ROBO2: variants seen among roughly 807,000 people sequenced by gnomAD.
ROBO2 encodes roundabout guidance receptor 2.
ROBO2 carries 53 observed loss-of-function variants against 160.8 expected under a neutral mutation model. The observed-to-expected ratio is 0.33, with a 90% CI of 0.26 to 0.41. The LOEUF (loss-of-function observed/expected upper bound fraction) is 0.41. Among genes scored for constraint, ROBO2 ranks in the 10% least tolerant of loss-of-function variants. The pLI is 1.00. For missense variants in ROBO2, 1,577 were observed against 1,722.4 expected (o/e 0.92, Z 1.49); for synonymous variants, 664 against 611.7 (o/e 1.09, Z -1.26).
At chr3:76,868,701 T>A (rs2148662205) in intron 2 of ROBO2, among the ~76,000 whole-genome samples, 1 of 152,220 alleles carries the variant, frequency 6.6e-6, no homozygotes, top group African/African-American at 2.4e-5. Flanking sequence ...GAAGGGAAAG[T>A]ATCCAGTCTT....
At chr3:77,213,405 C>T (rs879637042) in intron 2 of ROBO2, among the ~76,000 whole-genome samples, 1 of 152,104 alleles carries the variant, frequency 6.6e-6, no homozygotes, top group Non-Finnish European at 1.5e-5. Context: ...GTTTGTATTT[C>T]TATGGGATCG....
intron 2 of ROBO2, among the ~76,000 whole-genome samples, chr3:76,290,427 A>G (rs982563854): frequency 6.6e-6 from 1 of 152,144 alleles, no homozygotes; most frequent in East Asian, 1.9e-4. Context: ...GGCAGAGACT[A>G]TGGGATTTTC....
At chr3:76,254,888 G>T (rs1706261190) in intron 2 of ROBO2, among the ~76,000 whole-genome samples, 1 of 151,904 alleles carries the variant, frequency 6.6e-6, no homozygotes, top group South Asian at 2.1e-4. Context: ...ATGTACCCAG[G>T]AGCTCACTGT....
intron 2 of ROBO2, among the ~76,000 whole-genome samples, chr3:76,522,119 G>A (rs537614407): frequency 6.6e-6 from 1 of 152,194 alleles, no homozygotes; most frequent in East Asian, 1.9e-4. Context: ...TGGGCGGTAT[G>A]CAAAAAAATG....
intron 2 of ROBO2, among the ~76,000 whole-genome samples, chr3:77,435,580 C>T (rs1009455970): frequency 6.6e-6 from 1 of 151,852 alleles, no homozygotes; most frequent in South Asian, 2.1e-4. Flanking sequence ...AAGACAGATA[C>T]TAATTGTACC....
At chr3:77,417,135 C>A (rs1375904591) in intron 2 of ROBO2, among the ~76,000 whole-genome samples, 1 of 151,906 alleles carries the variant, frequency 6.6e-6, no homozygotes, top group African/African-American at 2.4e-5. Context: ...GGTGCAATTT[C>A]ATGTGAGGGA....
At chr3:76,215,058 G>A (rs1330570383) in intron 2 of ROBO2, among the ~76,000 whole-genome samples, 1 of 152,166 alleles carries the variant, frequency 6.6e-6, no homozygotes, top group African/African-American at 2.4e-5. Flanking sequence ...ACAGGGTCTG[G>A]AGTGGACCTC....
At chr3:77,090,164 A>G (rs577369419) in intron 1 of ROBO2, among the ~76,000 whole-genome samples, 257 of 152,204 alleles carry the variant, frequency 1.7e-3, no homozygotes, top group Middle Eastern at 3.4e-3. Flanking sequence ...GACTATTGTC[A>G]ATGGGATTAT....
intron 2 of ROBO2, among the ~76,000 whole-genome samples, chr3:77,449,871 A>G (rs1560866657): frequency 6.6e-6 from 1 of 152,122 alleles, no homozygotes; most frequent in Non-Finnish European, 1.5e-5. Context: ...GCTCTGTTAA[A>G]AACAAGCCAC....
exon 26 of ROBO2, chr3:77,649,680 A>C: frequency 6.6e-6 from 1 of 152,246 alleles, no homozygotes; most frequent in African/African-American, 2.4e-5. Flanking sequence ...CAATTTACTA[A>C]TTTTTTTAAA....
intron 2 of ROBO2, among the ~76,000 whole-genome samples, chr3:76,729,205 G>T (rs2107815969): frequency 6.6e-6 from 1 of 150,800 alleles, no homozygotes; most frequent in South Asian, 2.1e-4. Context: ...CTCTATAAAT[G>T]AATTGTGACT....
intron 2 of ROBO2, among the ~76,000 whole-genome samples, chr3:76,300,304 A>G (rs958244455): frequency 6.4e-4 from 98 of 152,050 alleles, no homozygotes; most frequent in Admixed American, 2.1e-3. Context: ...GGTGCCCACT[A>G]TTCTCACCAA....
At chr3:76,684,042 A>C (rs1444644284) in intron 2 of ROBO2, among the ~76,000 whole-genome samples, 1 of 152,098 alleles carries the variant, frequency 6.6e-6, no homozygotes, top group Admixed American at 6.6e-5. Flanking sequence ...TGCGATGCCA[A>C]CTGGAGATGA....
Position 76,662,352 on chromosome 3 carries a change from G to A in ROBO2, c.110-435662G>A, listed in dbSNP as rs571272921. Among the ~76,000 whole-genome samples the A allele has an allele frequency of 1.1e-4, 16 of 152,106 alleles. 1 individual carries two copies. The South Asian group carries it at 3.3e-3, about 32-fold the overall frequency. On this transcript the variant is annotated intron_variant, in intron 2 of 26. Coordinates refer to the ROBO2 transcript ENST00000487694. ...AAAAAAATTTTTTTCATTATTGTGG[G>A]TACATAGTAGGTGTATATATTTATG... is the stretch of plus-strand genomic sequence containing the variant.
intron 2 of ROBO2, among the ~76,000 whole-genome samples, chr3:76,547,138 T>C (rs138438367): frequency 6.6e-6 from 1 of 152,150 alleles, no homozygotes; most frequent in Non-Finnish European, 1.5e-5. Flanking sequence ...ATTTCTTATT[T>C]CATATTTTAC....
chr3:76,536,104 A>C (rs1352600921), intron 2 of ROBO2, among the ~76,000 whole-genome samples: 1 of 152,122 alleles, frequency 6.6e-6, no homozygotes, highest in East Asian at 1.9e-4. Flanking sequence ...GTTTTGTGGC[A>C]TTTGAGGCAA....
At chr3:76,167,449 C>G (rs1481003699) in intron 2 of ROBO2, among the ~76,000 whole-genome samples, 1 of 152,136 alleles carries the variant, frequency 6.6e-6, no homozygotes, top group East Asian at 1.9e-4. Flanking sequence ...GACAATGTCC[C>G]TCTGGATTAA....
At chr3:76,706,370 C>T (rs2093163315) in intron 2 of ROBO2, among the ~76,000 whole-genome samples, 1 of 152,014 alleles carries the variant, frequency 6.6e-6, no homozygotes, top group Admixed American at 6.6e-5. Context: ...CCGGAAGGTA[C>T]AGGCTTCCCA....
intron 2 of ROBO2, among the ~76,000 whole-genome samples, chr3:76,411,822 T>G (rs956579260): frequency 4.6e-5 from 7 of 152,294 alleles, no homozygotes; most frequent in Admixed American, 4.6e-4. Context: ...TGTGTATATG[T>G]CCTGTGAATG....
Sources: allele counts gnomAD v4.1 joint callset (sites outside exome capture counted in the v4.1 genomes callset), GRCh38; gene constraint gnomAD v4.1.1; transcripts MANE v1.5; gene names NCBI Gene and HGNC (gene_info 2026-07-23, HGNC 2026-07-21).